Variants in FMN2 observed in about 807,000 individuals in gnomAD.
The protein encoded by FMN2 is formin-2.
Under a neutral mutation model 142.3 loss-of-function variants are expected in FMN2, and 51 were observed. That is an observed-to-expected ratio of 0.36 (90% CI 0.29 to 0.45). The LOEUF is 0.45. Ranked by LOEUF, FMN2 falls within the 20% of genes least tolerant of loss-of-function variation. FMN2 has a pLI of 1.00. For synonymous variants in FMN2, 882 were observed against 869.8 expected, an observed-to-expected ratio of 1.01 and a Z score of -0.25; for missense variants, 1,936 against 2,122.8, an observed-to-expected ratio of 0.91 and a Z score of 1.73.
chr1:240,416,211 CT>C (rs1228741299), intron 15 of FMN2, among the ~76,000 whole-genome samples: 3 of 151,690 alleles, frequency 2.0e-5, no homozygotes, highest in Admixed American at 6.6e-5. Flanking sequence ...AAAATAACGA[CT>C]TAAGAAAGAA....
chr1:240,344,576 A>G (rs545219721), intron 13 of FMN2, among the ~76,000 whole-genome samples: 1 of 152,252 alleles, frequency 6.6e-6, no homozygotes, highest in Admixed American at 6.5e-5. Context: ...CAAAATATAC[A>G]TTACTTTCAG....
At chr1:240,121,735 TAAAAAAAAAAAAAA>T (rs71168898) in intron 1 of FMN2, among the ~76,000 whole-genome samples, 4 of 25,672 alleles carry the variant, frequency 1.6e-4, no homozygotes, top group South Asian at 5.9e-3. Flanking sequence ...AGGGAAATAG[TAAAAAAAAAAAAAA>T]AAAAAAAAAA....
chr1:240,209,336 C>T (rs1256396748), intron 5 of FMN2, among the ~76,000 whole-genome samples: 2 of 151,392 alleles, frequency 1.3e-5, no homozygotes, highest in African/African-American at 4.9e-5. Context: ...CTGCAAGCTC[C>T]GCCTCCCGGG....
chr1:240,348,809 G>C (rs1015129979), intron 13 of FMN2, among the ~76,000 whole-genome samples: 5 of 152,314 alleles, frequency 3.3e-5, no homozygotes, highest in Admixed American at 1.3e-4. Flanking sequence ...GTGAAAGGTA[G>C]TGAGGCCAGA....
chr1:240,164,101 C>T (rs188497762), intron 2 of FMN2, among the ~76,000 whole-genome samples: 1 of 152,174 alleles, frequency 6.6e-6, no homozygotes, highest in African/African-American at 2.4e-5. Context: ...ATTTTACTAT[C>T]TTGTCCAGGC....
chr1:240,321,537 A>G (rs557219424), intron 8 of FMN2, among the ~76,000 whole-genome samples: 1 of 152,324 alleles, frequency 6.6e-6, no homozygotes, highest in South Asian at 2.1e-4. Context: ...CAAGATAGAA[A>G]ATAAATTTTT....
chr1:240,143,082 A>T (rs1663262559), intron 2 of FMN2: 1 of 1,519,252 alleles, frequency 6.6e-7, no homozygotes, highest in Non-Finnish European at 9.1e-7. Flanking sequence ...ACCCTTCCCT[A>T]AATGTGTCAG....
chr1:240,142,678 A>G, intron 2 of FMN2: 1 of 1,610,228 alleles, frequency 6.2e-7, no homozygotes, highest in Non-Finnish European at 8.5e-7. Flanking sequence ...TAGAGATCAT[A>G]ATTGGGGTTC....
chr1:240,282,979 A>C (rs933930178), intron 7 of FMN2, among the ~76,000 whole-genome samples: 1 of 152,330 alleles, frequency 6.6e-6, no homozygotes, highest in African/African-American at 2.4e-5. Context: ...TTGATGCATC[A>C]GCATTCTATT....
intron 13 of FMN2, among the ~76,000 whole-genome samples, chr1:240,335,451 C>A (rs191393479): frequency 2.6e-5 from 4 of 152,286 alleles, no homozygotes; most frequent in Non-Finnish European, 5.9e-5. Context: ...AAAAAACCCA[C>A]TCATGCTATA....
rs557613491 is a variant in FMN2 at position 240,290,129 on chromosome 1, A to C, written c.4154-4693A>C. Among the ~76,000 whole-genome samples the C allele has an allele frequency of 1.1e-4, 16 of 152,220 alleles. 1 individual carries two copies. The highest frequency in any genetic ancestry group is 8.3e-4 in the South Asian group (4 of 4,826). Reference sequence around the variant, plus strand: ...ATGCTTGGTTGTTTTGAATTGCTTTATTCTTTTATTTTTTTAATGTAATGC... The same window carrying C: ...ATGCTTGGTTGTTTTGAATTGCTTTCTTCTTTTATTTTTTTAATGTAATGC... On this transcript the variant is annotated intron_variant, in intron 7 of 17. Transcript: ENST00000319653.
At chr1:240,457,534 A>T (rs1038851582) in intron 16 of FMN2, 1 of 152,218 alleles carries the variant, frequency 6.6e-6, no homozygotes, top group African/African-American at 2.4e-5. Context: ...GACCATCAAT[A>T]AATATACAGC....
intron 2 of FMN2, among the ~76,000 whole-genome samples, chr1:240,141,268 C>G (rs900013370): frequency 4.6e-5 from 7 of 152,186 alleles, no homozygotes; most frequent in African/African-American, 1.7e-4. Flanking sequence ...AGATGGAAGA[C>G]AGCCTAAGAC....
intron 1 of FMN2, among the ~76,000 whole-genome samples, chr1:240,094,017 G>A (rs1661112111): frequency 6.6e-6 from 1 of 152,176 alleles, no homozygotes; most frequent in Non-Finnish European, 1.5e-5. Flanking sequence ...AAAGTTTCGG[G>A]TCACGCCAGG....
At chr1:240,321,559 T>C (rs1336235800) in intron 8 of FMN2, among the ~76,000 whole-genome samples, 1 of 152,208 alleles carries the variant, frequency 6.6e-6, no homozygotes. Flanking sequence ...TGTAACATAG[T>C]ACAAAAAGTA....
chr1:240,426,643 G>GCC (rs1399873517), intron 15 of FMN2, among the ~76,000 whole-genome samples: 3 of 152,030 alleles, frequency 2.0e-5, no homozygotes, highest in Non-Finnish European at 4.4e-5. Flanking sequence ...CTACCCGCTT[G>GCC]CCTCCTCCCA....
intron 13 of FMN2, among the ~76,000 whole-genome samples, chr1:240,342,150 A>G (rs1453151236): frequency 2.6e-5 from 4 of 152,154 alleles, no homozygotes; most frequent in Admixed American, 1.3e-4. Flanking sequence ...TTCTGGTCCA[A>G]GGAGATATTT....
At chr1:240,231,983 A>C (rs1016810453) in intron 6 of FMN2, among the ~76,000 whole-genome samples, 1 of 152,172 alleles carries the variant, frequency 6.6e-6, no homozygotes, top group Non-Finnish European at 1.5e-5. Context: ...TCACTTTTTC[A>C]GATAAGAGTA....
At chr1:240,094,241 A>G (rs532332664) in intron 1 of FMN2, among the ~76,000 whole-genome samples, 3 of 152,214 alleles carry the variant, frequency 2.0e-5, no homozygotes, top group Non-Finnish European at 2.9e-5. Context: ...TGTATGTGAT[A>G]TGTAGTTTCT....
Sources: allele counts gnomAD v4.1 joint callset (sites outside exome capture counted in the v4.1 genomes callset), GRCh38; gene constraint gnomAD v4.1.1; transcripts MANE v1.5; gene names NCBI Gene and HGNC (gene_info 2026-07-23, HGNC 2026-07-21).